The following TXNDC11 variants were observed in gnomAD, a reference collection of about 807,000 sequenced individuals.
TXNDC11 encodes the protein thioredoxin domain-containing protein 11.
In TXNDC11, 68 loss-of-function variants were observed where a neutral mutation model predicts 78.0. The observed-to-expected ratio is 0.87, with a 90% CI of 0.72 to 1.07. The LOEUF is 1.07. Among genes scored for constraint, TXNDC11 ranks in the 50% least tolerant of loss-of-function variants. The probability of loss-of-function intolerance (pLI) is 0.00; values close to 1 mark genes in which losing one functional copy is unlikely to be tolerated. For missense variants in TXNDC11, 1,389 were observed against 1,221.8 expected (o/e 1.14, Z -2.04); for synonymous variants, 571 against 495.2 (o/e 1.15, Z -2.03).
chr16:11,718,065 TG>T (rs1198847949), intron 5 of TXNDC11, among the ~76,000 whole-genome samples: 1 of 152,028 alleles, frequency 6.6e-6, no homozygotes, highest in Non-Finnish European at 1.5e-5. Flanking sequence ...TTGCGTTAAG[TG>T]GGGGGTAAAG....
intron 5 of TXNDC11, among the ~76,000 whole-genome samples, chr16:11,708,797 C>T (rs2051255228): frequency 6.6e-6 from 1 of 152,160 alleles, no homozygotes; most frequent in South Asian, 2.1e-4. Flanking sequence ...TATCATAGTA[C>T]CTTCCATCTG....
In TXNDC11 at chr16:11,688,288, C is replaced by A; in HGVS notation, c.2043+15G>T. The A allele has an allele frequency of 6.2e-7, 1 of 1,609,364 alleles. No homozygotes were observed. The highest frequency in any genetic ancestry group is 8.5e-7 in the Non-Finnish European group (1 of 1,178,252). ...GGGACAGATGGCTTAACTTTTGCCT[C>A]TCATGACTCCATACCTGTTTTTGAA... is the stretch of plus-strand genomic sequence containing the variant. On this transcript the variant is annotated intron_variant, in intron 9 of 11. Transcript: ENST00000283033.
chr16:11,688,188 A>G (rs2050616002), intron 9 of TXNDC11, 115 bp downstream of exon 9: 1 of 1,174,984 alleles, frequency 8.5e-7, no homozygotes, highest in African/African-American at 1.5e-5. Context: ...TAATTGGGCC[A>G]TCACGTGGTT....
Position 11,698,286 on chromosome 16 carries a change from T to G in TXNDC11, c.946A>C (p.Ile316Leu), listed in dbSNP as rs1567308897. 6.2e-7 allele frequency: 1 copy of G among 1,613,986 alleles called. No homozygotes were observed. Among genetic ancestry groups the G allele is most frequent in the East Asian group, 2.2e-5 (1 of 44,866 alleles). The change falls in exon 7 of 12, where the codon ATC becomes CTC. Residue 316 changes from isoleucine to leucine, a missense_variant. Transcript: ENST00000283033. ...TGGTTTTCTAAGGCCCACTTACAGA[T>G]GTTCTCAGCTGTGTAGTTCAGGACC... ...REVLNYTAENICKWALENQET... is the reference protein window; with the variant it reads ...REVLNYTAENLCKWALENQET...
chr16:11,706,595 T>C (rs1466264561), intron 5 of TXNDC11, among the ~76,000 whole-genome samples: 8 of 152,248 alleles, frequency 5.3e-5, no homozygotes, highest in Non-Finnish European at 1.0e-4. Context: ...TGGTCATCTC[T>C]TGTGAGTGTG....
At chr16:11,688,001 G>T in intron 9 of TXNDC11, 35 bp from the exon 10 acceptor site, 2 of 1,459,132 alleles carry the variant, frequency 1.4e-6, no homozygotes, top group South Asian at 2.3e-5. Context: ...TACTTGCACC[G>T]GGAAATGGGC....
chr16:11,734,642 C>G (rs1763348706), intron 2 of TXNDC11, among the ~76,000 whole-genome samples: 1 of 152,200 alleles, frequency 6.6e-6, no homozygotes, highest in Non-Finnish European at 1.5e-5. Context: ...ACTGCTTAGG[C>G]TGACAGTAAG....
intron 5 of TXNDC11, among the ~76,000 whole-genome samples, chr16:11,709,676 C>G (rs1231540266): frequency 2.0e-5 from 3 of 151,826 alleles, no homozygotes; most frequent in Non-Finnish European, 4.4e-5. Flanking sequence ...ACCTCGTGAT[C>G]CGCCCGCCTC....
intron 5 of TXNDC11, among the ~76,000 whole-genome samples, chr16:11,707,708 C>G (rs964299965): frequency 6.6e-6 from 1 of 151,960 alleles, no homozygotes; most frequent in Non-Finnish European, 1.5e-5. Flanking sequence ...CTCAGCCTCC[C>G]AAAGTGTTGG....
chr16:11,742,667 C>G lies in TXNDC11; in HGVS notation c.64G>C (p.Gly22Arg), dbSNP rs781662574. The change falls in exon 1 of 12, where the codon GGG (glycine) becomes CGG (arginine). Residue 22 changes from glycine (G) to arginine (R), a missense_variant. By Grantham distance (125) the Gly-to-Arg change is moderately radical. Coordinates refer to ENST00000283033, the MANE Select transcript of TXNDC11 (RefSeq NM_015914.7). ...SSSEDAEDEG[G>R]GGGGPAGSDC... ...GAGCCCGCGGGGCCGCCGCCGCCCC[C>G]TCCCTCGTCCTCGGCGTCCTCGCTG... The G allele has an allele frequency of 6.8e-7, 1 of 1,467,740 alleles. No individual in the cohort carries two copies. The highest frequency in any genetic ancestry group is 2.5e-5 in the Admixed American group (1 of 40,748). 90.9% of individuals were successfully genotyped at this position (1,467,740 alleles called of 1,614,324 possible).
chr16:11,699,269 C>G (rs555122061), intron 6 of TXNDC11, among the ~76,000 whole-genome samples: 1 of 152,330 alleles, frequency 6.6e-6, no homozygotes, highest in African/African-American at 2.4e-5. Flanking sequence ...ATTTTTCCAT[C>G]TCATAGTCCT....
At chr16:11,704,887 C>T (rs1023971431) in intron 5 of TXNDC11, among the ~76,000 whole-genome samples, 1 of 151,360 alleles carries the variant, frequency 6.6e-6, no homozygotes, top group African/African-American at 2.4e-5. Flanking sequence ...GTGAATAGGA[C>T]CGAACCAATG....
At chr16:11,737,851 CAAAAAAAAAAA>C (rs538318388) in intron 1 of TXNDC11, among the ~76,000 whole-genome samples, 2 of 54,176 alleles carry the variant, frequency 3.7e-5, no homozygotes, top group South Asian at 6.3e-4. Context: ...CTACGTCTCT[CAAAAAAAAAAA>C]AAAAAAAAAA....
In TXNDC11 at chr16:11,679,142, TATA is replaced by T. The variant is rs2050338031; in HGVS notation, c.*50_*52del. 30 of 1,560,108 alleles carry T rather than the reference TATA, an allele frequency of 1.9e-5. No individual in the cohort carries two copies. The South Asian group carries it at 3.3e-4, about 17-fold the overall frequency. ...TAAATTTCAATAAAATTTGCATAAA[TATA>T]TTCCCAATGTACAATTTTCACCTCT... On this transcript the variant is annotated 3_prime_UTR_variant, in exon 12 of 12. Coordinates refer to ENST00000283033, the MANE Select transcript of TXNDC11 (RefSeq NM_015914.7). The surrounding 1 kb of genome is among the most constrained non-coding windows in gnomAD (Gnocchi z 4.6).
chr16:11,741,351 T>C (rs569047378), intron 1 of TXNDC11, among the ~76,000 whole-genome samples: 69 of 152,276 alleles, frequency 4.5e-4, no homozygotes, highest in African/African-American at 1.6e-3. Flanking sequence ...ACCTGAAATA[T>C]ACAGCAAATT....
chr16:11,697,276 C>A (rs992307673), intron 7 of TXNDC11, among the ~76,000 whole-genome samples: 1 of 152,190 alleles, frequency 6.6e-6, no homozygotes, highest in African/African-American at 2.4e-5. Flanking sequence ...CCTGTCCCTC[C>A]AGGCAGGAGG....
chr16:11,725,815 G>A (rs1474719267), intron 4 of TXNDC11, among the ~76,000 whole-genome samples: 1 of 152,210 alleles, frequency 6.6e-6, no homozygotes, highest in Admixed American at 6.5e-5. Flanking sequence ...GGCTTTCTGT[G>A]ATGTTTAAGT....
Position 11,684,164 on chromosome 16 carries a change from C to T in TXNDC11, c.2234+1G>A, listed in dbSNP as rs767716770. On this transcript the variant is annotated splice_donor_variant, in intron 11 of 11. Transcript: ENST00000283033. LOFTEE classifies it high-confidence loss of function. The stretch of plus-strand genomic sequence containing the variant: ...CACCAGTGACAAAAATTTGGCATTA[C>T]CTGTTGCAGGGAAAAAACAAGACAG... The T allele has an allele frequency of 6.2e-7, 1 of 1,613,208 alleles. No homozygotes were observed.
At chr16:11,742,450 G>A (rs1435245920) in intron 1 of TXNDC11, 27 bp downstream of exon 1, 5 of 1,385,466 alleles carry the variant, frequency 3.6e-6, no homozygotes, top group Non-Finnish European at 4.6e-6. Context: ...GCGCCCTAGC[G>A]GGGCCCCAGG....
Sources: gnomAD v4.1 joint callset for allele counts (sites outside exome capture counted in the v4.1 genomes callset) on GRCh38, gnomAD v4.1.1 for gene constraint, Gnocchi (gnomAD v3.1) non-coding constraint, MANE v1.5 for transcripts, NCBI Gene and HGNC (gene_info 2026-07-23, HGNC 2026-07-21) for gene names.